FRMD4B: variants seen among roughly 807,000 people sequenced by gnomAD.
FRMD4B encodes FERM domain-containing protein 4B.
In FRMD4B, 74 loss-of-function variants were observed where a neutral mutation model predicts 141.5. The observed-to-expected ratio is 0.52, with a 90% CI of 0.43 to 0.63. The LOEUF (loss-of-function observed/expected upper bound fraction) is 0.63. Ranked by LOEUF, FRMD4B falls within the 30% of genes least tolerant of loss-of-function variation. The pLI is 0.00. For synonymous variants in FRMD4B, 506 were observed against 467.9 expected, an observed-to-expected ratio of 1.08 and a Z score of -1.05; for missense variants, 1,366 against 1,253.4, an observed-to-expected ratio of 1.09 and a Z score of -1.36.
At chr3:69,415,065 T>C (rs766086909) in intron 2 of FRMD4B, among the ~76,000 whole-genome samples, 1 of 151,534 alleles carries the variant, frequency 6.6e-6, no homozygotes, top group Non-Finnish European at 1.5e-5. Flanking sequence ...GGGGTTTCAC[T>C]ATGTTGGTCA....
chr3:69,422,260 G>A (rs543563544), intron 2 of FRMD4B, among the ~76,000 whole-genome samples: 1 of 152,228 alleles, frequency 6.6e-6, no homozygotes, highest in East Asian at 1.9e-4. Context: ...GGGCGTGGTG[G>A]CATGTGCCTG....
intron 2 of FRMD4B, among the ~76,000 whole-genome samples, chr3:69,426,407 G>T (rs1705078835): frequency 6.6e-6 from 1 of 152,084 alleles, no homozygotes; most frequent in Non-Finnish European, 1.5e-5. Flanking sequence ...ACAGAGAATA[G>T]TCCAGAAGTG....
intron 1 of FRMD4B, among the ~76,000 whole-genome samples, chr3:69,490,638 G>A (rs1221352418): frequency 6.6e-6 from 1 of 152,116 alleles, no homozygotes; most frequent in Admixed American, 6.5e-5. Flanking sequence ...TTTGTGTCAT[G>A]GCAAGTACCT....
intron 12 of FRMD4B, chr3:69,198,161 T>C (rs886859649): frequency 1.3e-5 from 2 of 151,540 alleles, no homozygotes; most frequent in Non-Finnish European, 2.9e-5. Context: ...GGATTTCTCC[T>C]AAGATATTTG....
At chr3:69,394,565 G>T (rs1230047207) in intron 2 of FRMD4B, among the ~76,000 whole-genome samples, 2 of 152,168 alleles carry the variant, frequency 1.3e-5, no homozygotes, top group Non-Finnish European at 2.9e-5. Flanking sequence ...TTATACTGTT[G>T]GTGGGAGTGT....
intron 8 of FRMD4B, among the ~76,000 whole-genome samples, chr3:69,224,079 G>A (rs1053020582): frequency 1.3e-5 from 2 of 152,094 alleles, no homozygotes. Flanking sequence ...TAACAAGAAT[G>A]TAAGTATTTT....
chr3:69,218,200 T>C (rs2093159692), intron 10 of FRMD4B, 122 bp downstream of exon 10: 3 of 613,406 alleles, frequency 4.9e-6, no homozygotes, highest in Non-Finnish European at 5.8e-6. Flanking sequence ...GCAAAAATAA[T>C]GTACTTTATA....
At chr3:69,519,533 C>G (rs546528501) in intron 1 of FRMD4B, among the ~76,000 whole-genome samples, 3 of 152,234 alleles carry the variant, frequency 2.0e-5, no homozygotes, top group African/African-American at 7.2e-5. Flanking sequence ...CCTCAGGGAG[C>G]CTGCTGGCTT....
chr3:69,518,343 G>A (rs62252352), intron 1 of FRMD4B, among the ~76,000 whole-genome samples: 35,032 of 151,926 alleles, frequency 0.23, 4,192 homozygotes, highest in Admixed American at 0.27. Context: ...ATGACTTACC[G>A]AGTCCCTTCT....
intron 2 of FRMD4B, among the ~76,000 whole-genome samples, chr3:69,428,267 G>C (rs1243652799): frequency 1.3e-5 from 2 of 151,202 alleles, no homozygotes; most frequent in African/African-American, 4.9e-5. Flanking sequence ...TGTGACCTGG[G>C]GCATGTTACA....
intron 1 of FRMD4B, among the ~76,000 whole-genome samples, chr3:69,436,921 T>C (rs1351127817): frequency 6.6e-6 from 1 of 152,176 alleles, no homozygotes; most frequent in Non-Finnish European, 1.5e-5. Flanking sequence ...AATTATTATC[T>C]AGAACAGTTG....
At chr3:69,527,707 C>T (rs140303264) in intron 1 of FRMD4B, among the ~76,000 whole-genome samples, 170 of 152,308 alleles carry the variant, frequency 1.1e-3, no homozygotes, top group African/African-American at 3.5e-3. Flanking sequence ...CAGTGACCAA[C>T]CTGTCCTGGT....
chr3:69,437,663 C>T (rs1463638341), intron 1 of FRMD4B, among the ~76,000 whole-genome samples: 1 of 131,154 alleles, frequency 7.6e-6, no homozygotes, highest in African/African-American at 2.9e-5. Flanking sequence ...AGTTTGTATA[C>T]ATACTATATA....
At chr3:69,221,121 C>A (rs1039920617) in intron 9 of FRMD4B, among the ~76,000 whole-genome samples, 3 of 152,002 alleles carry the variant, frequency 2.0e-5, no homozygotes, top group African/African-American at 7.2e-5. Flanking sequence ...TGCCAACATG[C>A]CTGGCTAATT....
intron 11 of FRMD4B, among the ~76,000 whole-genome samples, chr3:69,210,554 T>A (rs1439164860): frequency 6.6e-6 from 1 of 152,086 alleles, no homozygotes; most frequent in Non-Finnish European, 1.5e-5. Flanking sequence ...AAAGGGAGGA[T>A]TAAAAAGTAA....
intron 8 of FRMD4B, among the ~76,000 whole-genome samples, chr3:69,224,152 G>A (rs944718562): frequency 6.6e-6 from 1 of 152,090 alleles, no homozygotes; most frequent in Non-Finnish European, 1.5e-5. Context: ...ATTCACTAAT[G>A]TACAAACAAC....
chr3:69,353,716 A>G, intron 1 of FRMD4B: 1 of 983,840 alleles, frequency 1.0e-6, no homozygotes, highest in Non-Finnish European at 1.2e-6. Context: ...GAACTTAAAA[A>G]CTCCCGACGC....
chr3:69,213,580 A>T (rs2093108012), intron 11 of FRMD4B, among the ~76,000 whole-genome samples: 1 of 152,004 alleles, frequency 6.6e-6, no homozygotes, highest in South Asian at 2.1e-4. Context: ...TTATAGAATA[A>T]AAATGTTAAC....
intron 2 of FRMD4B, among the ~76,000 whole-genome samples, chr3:69,414,498 C>T (rs1704815840): frequency 6.6e-6 from 1 of 152,210 alleles, no homozygotes; most frequent in African/African-American, 2.4e-5. Context: ...GGTGTTCCTT[C>T]GATGAACATG....
Sources: allele counts gnomAD v4.1 joint callset (sites outside exome capture counted in the v4.1 genomes callset), GRCh38; gene constraint gnomAD v4.1.1; transcripts MANE v1.5; gene names NCBI Gene and HGNC (gene_info 2026-07-23, HGNC 2026-07-21).